Variants in FERRY3 observed in about 807,000 individuals in gnomAD.
FERRY3 encodes FERRY endosomal RAB5 effector complex subunit 3.
chr12:4,524,582 C>T, the FERRY3 span, among the ~76,000 whole-genome samples: 240 of 151,868 alleles, frequency 1.6e-3, no homozygotes, highest in African/African-American at 5.5e-3. Context: ...TTATAGCATA[C>T]ACTGGCATAT....
chr12:4,529,984 C>A, the FERRY3 span: 1 of 1,613,472 alleles, frequency 6.2e-7, no homozygotes, highest in South Asian at 1.1e-5. Context: ...TGAATTAAGT[C>A]ATGGTACACA....
the FERRY3 span, chr12:4,518,188 A>G: frequency 1.2e-6 from 2 of 1,614,126 alleles, no homozygotes; most frequent in Non-Finnish European, 8.5e-7. Context: ...GATTTCTTTT[A>G]TGCTTACAGA....
chr12:4,535,494 G>A, the FERRY3 span, among the ~76,000 whole-genome samples: 5 of 152,162 alleles, frequency 3.3e-5, no homozygotes, highest in East Asian at 9.6e-4. This position sits in a 1 kb window ranked among gnomAD's most constrained non-coding sequence, Gnocchi z 4.0. Context: ...TCTAACCTGT[G>A]ATCTAACATA....
At chr12:4,511,257 A>AAGT in the FERRY3 span, among the ~76,000 whole-genome samples, 4 of 151,484 alleles carry the variant, frequency 2.6e-5, no homozygotes, top group African/African-American at 9.7e-5. Context: ...TGAGTGACCT[A>AAGT]CAAAGAGACT....
chr12:4,497,998 C>A, the FERRY3 span, among the ~76,000 whole-genome samples: 11 of 152,054 alleles, frequency 7.2e-5, no homozygotes, highest in Admixed American at 7.2e-4. Context: ...ACTTCTTGAC[C>A]TGAATGGATG....
the FERRY3 span, chr12:4,509,078 T>A: frequency 1.3e-5 from 2 of 151,290 alleles, no homozygotes; most frequent in Non-Finnish European, 2.9e-5. Flanking sequence ...AGGCATTGCC[T>A]CACTTGGGAA....
the FERRY3 span, among the ~76,000 whole-genome samples, chr12:4,511,479 A>G: frequency 1.8e-4 from 27 of 151,970 alleles, no homozygotes; most frequent in African/African-American, 6.0e-4. Flanking sequence ...AATTGACCAC[A>G]TAGTTGGAAG....
the FERRY3 span, chr12:4,524,792 T>C: frequency 6.6e-6 from 1 of 152,464 alleles, no homozygotes; most frequent in African/African-American, 2.4e-5. Flanking sequence ...TGAGAAATCC[T>C]CCATGCTATT....
chr12:4,526,304 T>C, the FERRY3 span, among the ~76,000 whole-genome samples: 31 of 152,326 alleles, frequency 2.0e-4, 1 homozygote, highest in South Asian at 1.7e-3. Context: ...GGTTACATGG[T>C]CGTGCTTAAT....
At chr12:4,504,200 C>G in the FERRY3 span, among the ~76,000 whole-genome samples, 719 of 152,262 alleles carry the variant, frequency 4.7e-3, 4 homozygotes, top group African/African-American at 0.016. Context: ...GTAATGTGTT[C>G]CCACTGAGTG....
the FERRY3 span, chr12:4,509,073 T>C: frequency 1.3e-5 from 2 of 151,328 alleles, no homozygotes; most frequent in Non-Finnish European, 2.9e-5. Context: ...GGGCGAGGCA[T>C]TGCCTCACTT....
At chr12:4,533,409 TAG>T in the FERRY3 span, among the ~76,000 whole-genome samples, 4 of 152,298 alleles carry the variant, frequency 2.6e-5, no homozygotes, top group East Asian at 5.8e-4. Context: ...CCCACATGCT[TAG>T]AGTCAGTGAA....
chr12:4,535,082 T>A, the FERRY3 span, among the ~76,000 whole-genome samples: 1 of 152,246 alleles, frequency 6.6e-6, no homozygotes, highest in South Asian at 2.1e-4. The surrounding 1 kb of genome is among the most constrained non-coding windows in gnomAD (Gnocchi z 4.0). Context: ...CTTAGATGAC[T>A]GACCGATTTC....
chr12:4,525,836 C>T, the FERRY3 span, among the ~76,000 whole-genome samples: 6 of 152,248 alleles, frequency 3.9e-5, no homozygotes, highest in African/African-American at 7.2e-5. Context: ...ATTGCACAGA[C>T]GAATGCAGTC....
chr12:4,518,311 A>T, the FERRY3 span: 23 of 1,484,158 alleles, frequency 1.5e-5, no homozygotes, highest in Non-Finnish European at 2.1e-5. Context: ...AAAGTCCAGT[A>T]TAACAAGATG....
chr12:4,496,822 T>G, the FERRY3 span, among the ~76,000 whole-genome samples: 1 of 152,226 alleles, frequency 6.6e-6, no homozygotes, highest in Non-Finnish European at 1.5e-5. Context: ...AGATTATTCT[T>G]TACTTCTCAA....
At chr12:4,504,706 T>C in the FERRY3 span, among the ~76,000 whole-genome samples, 2 of 152,224 alleles carry the variant, frequency 1.3e-5, no homozygotes, top group Admixed American at 6.5e-5. Flanking sequence ...AGAAATAGTG[T>C]ATAAGAGAAA....
At chr12:4,500,297 A>G in the FERRY3 span, 1 of 1,614,130 alleles carries the variant, frequency 6.2e-7, no homozygotes, top group South Asian at 1.1e-5. Context: ...GGAAAGCAAC[A>G]TGGATTTCTG....
the FERRY3 span, among the ~76,000 whole-genome samples, chr12:4,531,587 G>A: frequency 6.6e-6 from 1 of 152,188 alleles, no homozygotes; most frequent in East Asian, 1.9e-4. Flanking sequence ...GGACTGGGAC[G>A]GCTGAGAGGA....
Sources: gnomAD v4.1 joint callset for allele counts (sites outside exome capture counted in the v4.1 genomes callset) on GRCh38, gnomAD v4.1.1 for gene constraint, Gnocchi (gnomAD v3.1) non-coding constraint, MANE v1.5 for transcripts, NCBI Gene and HGNC (gene_info 2026-07-23, HGNC 2026-07-21) for gene names.